STXBP5L: variants seen among roughly 807,000 people sequenced by gnomAD.
STXBP5L encodes the protein syntaxin-binding protein 5-like.
STXBP5L carries 65 observed loss-of-function variants against 144.5 expected under a neutral mutation model. The ratio of observed to expected loss-of-function variants is 0.45; its 90% confidence interval spans 0.37 to 0.55. The LOEUF (loss-of-function observed/expected upper bound fraction) is 0.55. Among genes scored for constraint, STXBP5L ranks in the 20% least tolerant of loss-of-function variants. The probability of loss-of-function intolerance (pLI) is 0.00; values close to 1 mark genes in which losing one functional copy is unlikely to be tolerated. For missense variants in STXBP5L, 1,298 were observed against 1,405.5 expected, an observed-to-expected ratio of 0.92 and a Z score of 1.22; for synonymous variants, 505 against 469.6, an observed-to-expected ratio of 1.08 and a Z score of -0.97.
intron 19 of STXBP5L, among the ~76,000 whole-genome samples, chr3:121,280,386 A>T (rs1294502964): frequency 6.6e-6 from 1 of 151,904 alleles, no homozygotes; most frequent in Non-Finnish European, 1.5e-5. Flanking sequence ...TTAATTTTTT[A>T]AATTAATTCC....
intron 5 of STXBP5L, among the ~76,000 whole-genome samples, chr3:121,077,410 C>T (rs193077159): frequency 9.1e-4 from 138 of 152,076 alleles, no homozygotes; most frequent in African/African-American, 3.0e-3. Context: ...TGGATGTGTT[C>T]GGAGTTTCTT....
chr3:120,991,050 A>T (rs1206767565), intron 3 of STXBP5L, among the ~76,000 whole-genome samples: 1 of 151,962 alleles, frequency 6.6e-6, no homozygotes, highest in Admixed American at 6.6e-5. Context: ...GGCAACCTAC[A>T]GAATGGGAGA....
intron 18 of STXBP5L, among the ~76,000 whole-genome samples, chr3:121,263,607 C>G (rs1212807466): frequency 6.6e-6 from 1 of 152,020 alleles, no homozygotes; most frequent in South Asian, 2.1e-4. Context: ...GTAAGATAAC[C>G]AGTTTAGAGA....
chr3:121,400,549 C>G (rs1028856948), intron 22 of STXBP5L, among the ~76,000 whole-genome samples: 2 of 152,086 alleles, frequency 1.3e-5, no homozygotes, highest in African/African-American at 2.4e-5. Flanking sequence ...AGGATGGGGT[C>G]TTATTGCTGT....
At chr3:121,333,273 TTAAAA>T (rs2044387569) in intron 20 of STXBP5L, among the ~76,000 whole-genome samples, 1 of 152,006 alleles carries the variant, frequency 6.6e-6, no homozygotes, top group South Asian at 2.1e-4. Flanking sequence ...AATGCTCTAC[TTAAAA>T]TATACAGAAT....
intron 3 of STXBP5L, among the ~76,000 whole-genome samples, chr3:121,022,076 A>C (rs1945598548): frequency 1.3e-5 from 2 of 152,142 alleles, no homozygotes; most frequent in Admixed American, 1.3e-4. Flanking sequence ...TTAGAAATGA[A>C]ACAGGAGATA....
rs1158872415 is a variant in STXBP5L at position 121,381,339 on chromosome 3, C to T, written c.2394C>T (p.Ser798=). The change falls in exon 22 of 27, where the codon TCC becomes TCT. Residue 798 remains serine, a synonymous_variant. Coordinates refer to ENST00000471454, the MANE Select transcript of STXBP5L (RefSeq NM_001308330.2). ...SYNRSRSSSI[S]SIDKDSKEAI... The stretch of plus-strand genomic sequence containing the variant: ...ATCGTTCTAGAAGCTCTAGTATCTC[C>T]AGTATTGACAAAGATTCTAAAGAAG... The T allele has an allele frequency of 1.9e-6, 3 of 1,601,104 alleles. No homozygotes were observed. The highest frequency in any genetic ancestry group is 1.7e-6 in the Non-Finnish European group (2 of 1,176,544).
chr3:121,315,055 A>T (rs983428952), intron 19 of STXBP5L, among the ~76,000 whole-genome samples: 3 of 152,178 alleles, frequency 2.0e-5, no homozygotes, highest in African/African-American at 7.2e-5. Context: ...AACTAGTTCA[A>T]CCATTGTGGA....
rs186006293 is a variant in STXBP5L, at chr3:121,006,540, G to C, written c.288-35160G>C. On this transcript the variant is annotated intron_variant, in intron 3 of 26. Coordinates refer to ENST00000471454, the MANE Select transcript of STXBP5L (RefSeq NM_001308330.2). ...CCGTGTCTTTTAATTGGGGCATTTA[G>C]CCCATTTACATTTAAGGTTGATATT... Among the ~76,000 whole-genome samples the C allele has an allele frequency of 3.3e-5, 5 of 152,212 alleles. No homozygotes were observed. The East Asian group carries it at 9.7e-4, about 29-fold the overall frequency.
At chr3:121,016,364 A>G (rs182984245) in intron 3 of STXBP5L, among the ~76,000 whole-genome samples, 4 of 152,354 alleles carry the variant, frequency 2.6e-5, no homozygotes, top group African/African-American at 4.8e-5. Flanking sequence ...CAAAATGTAT[A>G]CAGGTAAGCA....
intron 7 of STXBP5L, among the ~76,000 whole-genome samples, chr3:121,133,193 G>A (rs952960156): frequency 6.6e-6 from 1 of 152,032 alleles, no homozygotes; most frequent in Non-Finnish European, 1.5e-5. Flanking sequence ...AACATGACAA[G>A]ACCCTGATTT....
At position 120,986,413 on chromosome 3, in the gene STXBP5L, C is replaced by G. The variant is rs558537438; in HGVS notation, c.287+31376C>G. ...ATTAGTTGATTTATTGTGTTAAATT[C>G]TCTCTTTATATTCTATCTGGTTGTT... On this transcript the variant is annotated intron_variant, in intron 3 of 26. Coordinates refer to ENST00000471454, the MANE Select transcript of STXBP5L (RefSeq NM_001308330.2). Among the ~76,000 whole-genome samples the G allele has an allele frequency of 1.5e-4, 23 of 152,010 alleles. No individual in the cohort carries two copies. The South Asian group carries it at 3.5e-3, about 23-fold the overall frequency.
intron 19 of STXBP5L, among the ~76,000 whole-genome samples, chr3:121,291,388 G>T (rs1352011446): frequency 6.6e-6 from 1 of 152,046 alleles, no homozygotes; most frequent in Non-Finnish European, 1.5e-5. Context: ...ACAAAACACT[G>T]CTGAAATAAA....
chr3:121,366,828 T>A (rs1305883061), intron 20 of STXBP5L, among the ~76,000 whole-genome samples: 1 of 152,094 alleles, frequency 6.6e-6, no homozygotes, highest in East Asian at 1.9e-4. Context: ...ATTTTTTTAT[T>A]ACTGTTTGTG....
At chr3:121,072,192 C>A (rs1047540836) in intron 5 of STXBP5L, among the ~76,000 whole-genome samples, 4 of 152,196 alleles carry the variant, frequency 2.6e-5, no homozygotes, top group African/African-American at 9.7e-5. Context: ...CTTTCTCTTT[C>A]CTGGTAGGAA....
chr3:121,150,408 C>G (rs758594614), intron 7 of STXBP5L, among the ~76,000 whole-genome samples: 2 of 151,964 alleles, frequency 1.3e-5, no homozygotes. Flanking sequence ...ACAGAGTGGC[C>G]TTGTCTAATG....
At chr3:121,258,369 A>G (rs988304529) in intron 17 of STXBP5L, among the ~76,000 whole-genome samples, 2 of 152,192 alleles carry the variant, frequency 1.3e-5, no homozygotes, top group East Asian at 3.8e-4. Context: ...AAATTTAGAG[A>G]TAAGATTTTA....
At position 121,150,616 on chromosome 3, in the gene STXBP5L, T is replaced by C. The variant is rs1400477229; in HGVS notation, c.670-1861T>C. Among the ~76,000 whole-genome samples the C allele has an allele frequency of 2.6e-5, 4 of 152,278 alleles. No homozygotes were observed. The East Asian group carries it at 7.7e-4, about 29-fold the overall frequency. On this transcript the variant is annotated intron_variant, in intron 7 of 26. Coordinates refer to ENST00000471454, the MANE Select transcript of STXBP5L (RefSeq NM_001308330.2). ...AGCAAATCAACTTTTATCTTTCAGA[T>C]ATTTACTTTAATAAAATATAATAGT...
intron 15 of STXBP5L, among the ~76,000 whole-genome samples, chr3:121,252,700 C>A (rs959214875): frequency 5.3e-5 from 8 of 152,152 alleles, no homozygotes; most frequent in Non-Finnish European, 8.8e-5. Context: ...TCTTAGTTTT[C>A]TATTGCTGAG....
Sources: gnomAD v4.1 joint callset for allele counts (sites outside exome capture counted in the v4.1 genomes callset) on GRCh38, gnomAD v4.1.1 for gene constraint, MANE v1.5 for transcripts, NCBI Gene and HGNC (gene_info 2026-07-23, HGNC 2026-07-21) for gene names.